Variants in DPP10 observed in about 807,000 individuals in gnomAD.
DPP10 encodes inactive dipeptidyl peptidase 10.
DPP10 carries 33 observed loss-of-function variants against 120.9 expected under a neutral mutation model. The observed-to-expected ratio is 0.27, with a 90% CI of 0.21 to 0.37. The LOEUF (loss-of-function observed/expected upper bound fraction) is 0.37, where lower values mean the gene tolerates loss of function less well. Among genes scored for constraint, DPP10 ranks in the 10% least tolerant of loss-of-function variants. The pLI is 1.00. For synonymous variants in DPP10, 337 were observed against 326.1 expected (o/e 1.03, Z -0.36); for missense variants, 816 against 942.8 (o/e 0.87, Z 1.76).
intron 1 of DPP10, among the ~76,000 whole-genome samples, chr2:115,267,814 A>T (rs932209880): frequency 6.6e-6 from 1 of 152,004 alleles, no homozygotes; most frequent in African/African-American, 2.4e-5. Context: ...TGATGTCCCC[A>T]TATTTGCCAT....
intron 1 of DPP10, among the ~76,000 whole-genome samples, chr2:114,910,250 T>G (rs1694268903): frequency 6.6e-6 from 1 of 151,922 alleles, no homozygotes; most frequent in Admixed American, 6.5e-5. Flanking sequence ...TTTTCTTCAA[T>G]CCAAAGGTTA....
intron 3 of DPP10, chr2:115,468,142 C>T (rs1574935551): frequency 2.0e-6 from 1 of 493,216 alleles, no homozygotes; most frequent in East Asian, 5.6e-5. Flanking sequence ...GTGGCACCAA[C>T]CTTGACTTCT....
At chr2:115,812,151 T>C (rs1686714190) in intron 19 of DPP10, among the ~76,000 whole-genome samples, 1 of 152,212 alleles carries the variant, frequency 6.6e-6, no homozygotes, top group Non-Finnish European at 1.5e-5. Context: ...CCTATGTTGG[T>C]AGTAAAGTTG....
At chr2:114,655,697 C>T (rs1427865201) in intron 1 of DPP10, among the ~76,000 whole-genome samples, 2 of 151,998 alleles carry the variant, frequency 1.3e-5, no homozygotes, top group African/African-American at 2.4e-5. Context: ...GTTCTTAAAG[C>T]ATTCAGCTTA....
At chr2:114,783,529 T>C (rs1682507412) in intron 1 of DPP10, among the ~76,000 whole-genome samples, 1 of 152,116 alleles carries the variant, frequency 6.6e-6, no homozygotes. Flanking sequence ...TATACTTGTT[T>C]TATGTAACTT....
chr2:115,166,365 G>C (rs2052846092), intron 1 of DPP10, among the ~76,000 whole-genome samples: 2 of 150,714 alleles, frequency 1.3e-5, no homozygotes, highest in Admixed American at 1.3e-4. Flanking sequence ...ATTTAATTGG[G>C]AGTAGAGTTC....
chr2:114,834,151 G>GCACCTATGTATATATAAGCCATATCTACA (rs1331160327), intron 1 of DPP10: 12 of 108,340 alleles, frequency 1.1e-4, no homozygotes, highest in Admixed American at 4.6e-4. Context: ...CCATATCTAC[G>GCACCTATGTATATATAAGCCATATCTACA]CACCTATGTA....
chr2:115,739,681 G>A, intron 8 of DPP10, 58 bp from the exon 9 acceptor site: 4 of 1,552,952 alleles, frequency 2.6e-6, no homozygotes, highest in Non-Finnish European at 3.5e-6. Context: ...ACAGATGTTT[G>A]TGGGTCACTG....
At chr2:114,576,182 G>C (rs1469046555) in intron 1 of DPP10, among the ~76,000 whole-genome samples, 2 of 152,232 alleles carry the variant, frequency 1.3e-5, no homozygotes, top group African/African-American at 4.8e-5. Context: ...CATTCAGTGA[G>C]CTTAAATTAA....
chr2:115,437,506 G>T (rs565765902), intron 3 of DPP10, among the ~76,000 whole-genome samples: 3 of 151,982 alleles, frequency 2.0e-5, no homozygotes, highest in Non-Finnish European at 4.4e-5. Context: ...TAAGTTAAGT[G>T]TGTTACTCAA....
intron 1 of DPP10, among the ~76,000 whole-genome samples, chr2:115,207,304 A>G (rs1345226796): frequency 6.6e-6 from 1 of 150,842 alleles, no homozygotes; most frequent in African/African-American, 2.4e-5. Flanking sequence ...AGTCTTGGCA[A>G]TTAGTGCTTT....
chr2:115,021,734 C>G (rs1250455616), intron 1 of DPP10, among the ~76,000 whole-genome samples: 2 of 151,962 alleles, frequency 1.3e-5, no homozygotes, highest in Non-Finnish European at 2.9e-5. Context: ...ACCAATATCA[C>G]TGATCAATGC....
intron 3 of DPP10, among the ~76,000 whole-genome samples, chr2:115,443,247 C>T (rs1325046997): frequency 6.6e-6 from 1 of 152,154 alleles, no homozygotes; most frequent in Non-Finnish European, 1.5e-5. Context: ...ATGCTTTCAA[C>T]TTTCAAGGCA....
chr2:115,233,209 T>C (rs928387457), intron 1 of DPP10, among the ~76,000 whole-genome samples: 7 of 90,538 alleles, frequency 7.7e-5, no homozygotes, highest in African/African-American at 2.7e-4. Flanking sequence ...TGTAGGTATA[T>C]TGAGTGTGTG....
intron 5 of DPP10, among the ~76,000 whole-genome samples, chr2:115,603,854 T>C (rs1270674995): frequency 6.6e-6 from 1 of 152,192 alleles, no homozygotes; most frequent in Non-Finnish European, 1.5e-5. Flanking sequence ...GCACTTATTA[T>C]GTAGCAATCT....
chr2:115,240,020 G>A (rs954134082), intron 1 of DPP10, among the ~76,000 whole-genome samples: 10 of 152,148 alleles, frequency 6.6e-5, no homozygotes, highest in African/African-American at 2.2e-4. Flanking sequence ...CATTAGAGTT[G>A]GTTCCAAGTC....
At chr2:115,541,842 G>A (rs1356351192) in intron 5 of DPP10, among the ~76,000 whole-genome samples, 1 of 151,758 alleles carries the variant, frequency 6.6e-6, no homozygotes, top group Non-Finnish European at 1.5e-5. Flanking sequence ...AAATAAATAA[G>A]TAAATTACGT....
intron 5 of DPP10, among the ~76,000 whole-genome samples, chr2:115,614,934 G>T (rs984549290): frequency 6.6e-6 from 1 of 152,044 alleles, no homozygotes; most frequent in Non-Finnish European, 1.5e-5. Context: ...TAAACAAATT[G>T]CCCTCAATTC....
At chr2:115,816,236 G>C (rs1687213463) in intron 21 of DPP10, among the ~76,000 whole-genome samples, 1 of 152,084 alleles carries the variant, frequency 6.6e-6, no homozygotes, top group Admixed American at 6.6e-5. Context: ...GCCTCATAAA[G>C]AAAACAAAGA....
Sources: gnomAD v4.1 joint callset for allele counts (sites outside exome capture counted in the v4.1 genomes callset) on GRCh38, gnomAD v4.1.1 for gene constraint, MANE v1.5 for transcripts, NCBI Gene and HGNC (gene_info 2026-07-23, HGNC 2026-07-21) for gene names.